Variants in KLHDC4 observed in about 807,000 individuals in gnomAD.
KLHDC4 encodes kelch domain-containing protein 4.
A neutral mutation model predicts 62.4 loss-of-function variants in KLHDC4; 90 were observed. That is an observed-to-expected ratio of 1.44 (90% CI 1.22 to 1.72). The LOEUF (loss-of-function observed/expected upper bound fraction) is 1.72, where lower values mean the gene tolerates loss of function less well. Ranked by LOEUF, KLHDC4 falls within the 40% of genes most tolerant of loss-of-function variation. KLHDC4 has a pLI of 0.00. For missense variants in KLHDC4, 1,025 were observed against 699.7 expected (o/e 1.47, Z -5.25); for synonymous variants, 386 against 284.4 (o/e 1.36, Z -3.59).
At chr16:87,719,578 C>A (rs2037832345) in intron 7 of KLHDC4, among the ~76,000 whole-genome samples, 1 of 151,878 alleles carries the variant, frequency 6.6e-6, no homozygotes, top group South Asian at 2.1e-4. Flanking sequence ...CCTTTGTTCA[C>A]ATGTTTATCT....
chr16:87,756,848 T>C lies in KLHDC4; in HGVS notation c.192-371A>G, dbSNP rs565952276. 3.3e-5 allele frequency among the ~76,000 whole-genome samples: 5 copies of C among 152,124 alleles called. No homozygotes were observed. The South Asian group carries it at 1.0e-3, about 32-fold the overall frequency. On this transcript the variant is annotated intron_variant, in intron 2 of 11. Coordinates refer to ENST00000270583, the MANE Select transcript of KLHDC4 (RefSeq NM_017566.4). ...TCATTTTTGAGATGGAGTTTCCCTC[T>C]TGTCACCCAGGCTGGAGTGCAATGG...
At chr16:87,744,872 C>T (rs1291337672) in intron 5 of KLHDC4, among the ~76,000 whole-genome samples, 1 of 152,194 alleles carries the variant, frequency 6.6e-6, no homozygotes, top group African/African-American at 2.4e-5. Context: ...AGTGCACACA[C>T]ACGAGCACAC....
At chr16:87,734,711 G>T (rs1599801) in intron 5 of KLHDC4, among the ~76,000 whole-genome samples, 95,708 of 151,942 alleles carry the variant, frequency 0.63, 30,316 homozygotes, top group South Asian at 0.73. Context: ...CTTCACATAG[G>T]GATACCCAGC....
rs751584614 is a variant in KLHDC4 at position 87,709,523 on chromosome 16, T to C, written c.1189A>G (p.Thr397Ala). The C allele has an allele frequency of 6.2e-7, 1 of 1,612,338 alleles. No homozygotes were observed. The highest frequency in any genetic ancestry group is 8.5e-7 in the Non-Finnish European group (1 of 1,179,958). ...EVVAEDGTVV[T>A]IKQVLTAPGS... Reference sequence around the variant, plus strand: ...GGCGCGGTGAGCACCTGCTTAATGGTGACCACGGTGCCATCCTCGGCCACC... The same window carrying C: ...GGCGCGGTGAGCACCTGCTTAATGGCGACCACGGTGCCATCCTCGGCCACC... The change falls in exon 10 of 12, where the codon ACC becomes GCC. Residue 397 changes from threonine to alanine, a missense_variant. Transcript: ENST00000270583.
chr16:87,712,996 T>C (rs1567666855), intron 8 of KLHDC4, among the ~76,000 whole-genome samples: 1 of 152,230 alleles, frequency 6.6e-6, no homozygotes, highest in Non-Finnish European at 1.5e-5. Context: ...ATCACTCTCT[T>C]GCTCTGGAGC....
intron 5 of KLHDC4, among the ~76,000 whole-genome samples, chr16:87,746,377 AAG>A (rs1024305423): frequency 1.3e-5 from 2 of 151,484 alleles, no homozygotes; most frequent in African/African-American, 4.9e-5. Flanking sequence ...GAGAGCGAGA[AAG>A]AGAGAAAGAG....
At chr16:87,752,180 GA>G (rs2143195586) in intron 4 of KLHDC4, among the ~76,000 whole-genome samples, 1 of 149,988 alleles carries the variant, frequency 6.7e-6, no homozygotes, top group South Asian at 2.1e-4. Flanking sequence ...GCAGAGGCAG[GA>G]GGATCGTTTG....
chr16:87,725,832 C>G (rs530711600), intron 7 of KLHDC4, among the ~76,000 whole-genome samples: 2 of 152,324 alleles, frequency 1.3e-5, no homozygotes, highest in Admixed American at 1.3e-4. Context: ...GGCGCGAGAA[C>G]ATTCCTGTCA....
At position 87,756,159 on chromosome 16, in the gene KLHDC4, G is replaced by T. The variant is rs544335564; in HGVS notation, c.270+240C>A. On this transcript the variant is annotated intron_variant, in intron 3 of 11. Transcript: ENST00000270583. ...GGGTGCGCCCGCCAAGAGTGATGAC[G>T]GCAGAGCTGGGCCTCAGCCTAAGTC... The T allele has an allele frequency of 3.3e-5, 12 of 367,964 alleles. No individual in the cohort carries two copies. In the East Asian group the frequency reaches 4.6e-4, roughly 14 times the overall value. 22.8% of individuals were successfully genotyped at this position (367,964 alleles called of 1,614,324 possible).
In KLHDC4 at chr16:87,749,566, AAAAAAG is replaced by A. The variant is rs1193946840; in HGVS notation, c.370-763_370-758del. Among the ~76,000 whole-genome samples the A allele has an allele frequency of 1.1e-4, 17 of 151,884 alleles. No homozygotes were observed. In the East Asian group the frequency reaches 2.5e-3, roughly 23 times the overall value. ...GAGACTCCATGTCAAAAAAAAAAAA[AAAAAAG>A]AAAGAAAGTGTTTATGTTTTTTCCT... On this transcript the variant is annotated intron_variant, in intron 4 of 11. Transcript: ENST00000270583.
chr16:87,736,969 T>C (rs534558465), intron 5 of KLHDC4, among the ~76,000 whole-genome samples: 1 of 150,320 alleles, frequency 6.7e-6, no homozygotes, highest in African/African-American at 2.4e-5. Context: ...TTATTAAAAA[T>C]ATAACATTAG....
chr16:87,731,901 G>A (rs547706546), intron 5 of KLHDC4, among the ~76,000 whole-genome samples: 1 of 152,154 alleles, frequency 6.6e-6, no homozygotes, highest in Admixed American at 6.5e-5. Flanking sequence ...CAATGTGAAT[G>A]AATCTTAAAA....
chr16:87,752,809 A>C (rs917288756), intron 4 of KLHDC4, among the ~76,000 whole-genome samples: 2 of 152,246 alleles, frequency 1.3e-5, no homozygotes, highest in Non-Finnish European at 2.9e-5. Context: ...TCAAGGGAAG[A>C]TTAAAACTAC....
At chr16:87,704,523 G>T (rs188424929), downstream of KLHDC4, among the ~76,000 whole-genome samples, 259 of 143,268 alleles carry the variant, frequency 1.8e-3, 7 homozygotes, top group East Asian at 0.019. Flanking sequence ...GGCGCCTGGG[G>T]AGGGCCCTGG....
At chr16:87,733,514 A>G (rs537156660) in intron 5 of KLHDC4, among the ~76,000 whole-genome samples, 54 of 152,318 alleles carry the variant, frequency 3.5e-4, no homozygotes, top group African/African-American at 1.3e-3. Flanking sequence ...CGCAGGCACC[A>G]GGGCAGGGCC....
intron 5 of KLHDC4, among the ~76,000 whole-genome samples, chr16:87,735,220 A>T (rs1255898694): frequency 6.6e-6 from 1 of 151,834 alleles, no homozygotes; most frequent in Non-Finnish European, 1.5e-5. Context: ...GAATGGCGTG[A>T]ACCCGGGAGG....
At chr16:87,709,150 G>A in intron 10 of KLHDC4, 115 bp downstream of exon 10, 2 of 1,323,990 alleles carry the variant, frequency 1.5e-6, no homozygotes, top group African/African-American at 1.5e-5. Flanking sequence ...GCACAGGCGA[G>A]AAGTGTCGGC....
intron 5 of KLHDC4, among the ~76,000 whole-genome samples, chr16:87,743,916 T>A (rs2042629938): frequency 6.6e-6 from 1 of 152,132 alleles, no homozygotes; most frequent in Non-Finnish European, 1.5e-5. Context: ...AGGGGTATGA[T>A]GCTGTCACTG....
intron 5 of KLHDC4, among the ~76,000 whole-genome samples, chr16:87,740,318 C>T (rs1471192155): frequency 2.0e-5 from 3 of 152,160 alleles, no homozygotes; most frequent in African/African-American, 4.8e-5. Flanking sequence ...CCACCGGCTC[C>T]GCTCTGCTCC....
Sources: gnomAD v4.1 joint callset for allele counts (sites outside exome capture counted in the v4.1 genomes callset) on GRCh38, gnomAD v4.1.1 for gene constraint, MANE v1.5 for transcripts, NCBI Gene and HGNC (gene_info 2026-07-23, HGNC 2026-07-21) for gene names.